ANKS1B: variants seen among roughly 807,000 people sequenced by gnomAD.
ANKS1B encodes ankyrin repeat and sterile alpha motif domain-containing protein 1B.
ANKS1B carries 36 observed loss-of-function variants against 148.3 expected under a neutral mutation model. The observed-to-expected ratio is 0.24, with a 90% confidence interval of 0.19 to 0.32. The LOEUF (loss-of-function observed/expected upper bound fraction) is 0.32. Among genes scored for constraint, ANKS1B ranks in the 10% least tolerant of loss-of-function variants. ANKS1B has a pLI of 1.00. For missense variants in ANKS1B, 1,157 were observed against 1,542.6 expected (o/e 0.75, Z 4.19); for synonymous variants, 542 against 560.8 (o/e 0.97, Z 0.47).
intron 17 of ANKS1B, among the ~76,000 whole-genome samples, chr12:98,938,426 C>CA (rs1046134070): frequency 6.8e-4 from 104 of 152,192 alleles, no homozygotes; most frequent in African/African-American, 2.4e-3. Flanking sequence ...GGTTTTGATT[C>CA]AATTGGTATG....
At chr12:99,191,395 C>T (rs999637907) in intron 14 of ANKS1B, among the ~76,000 whole-genome samples, 4 of 152,170 alleles carry the variant, frequency 2.6e-5, no homozygotes, top group Non-Finnish European at 2.9e-5. Context: ...CACATGCACA[C>T]GTGTGTTTAC....
At chr12:99,119,214 A>G (rs1020673419) in intron 15 of ANKS1B, among the ~76,000 whole-genome samples, 12 of 152,170 alleles carry the variant, frequency 7.9e-5, no homozygotes, top group African/African-American at 2.9e-4. Context: ...CAGACAAAAG[A>G]GGAGGAGGCA....
chr12:99,215,344 G>A (rs558840956), intron 14 of ANKS1B, among the ~76,000 whole-genome samples: 6 of 152,200 alleles, frequency 3.9e-5, no homozygotes, highest in Non-Finnish European at 1.5e-5. Flanking sequence ...GGGAAATGTG[G>A]GGTCAGATCC....
At position 98,744,975 on chromosome 12, in the gene ANKS1B, C is replaced by A; in HGVS notation, c.*764G>T. On this transcript the variant is annotated 3_prime_UTR_variant, in exon 27 of 27. Coordinates refer to ENST00000683438, the MANE Select transcript of ANKS1B (RefSeq NM_001352186.2). ...AGAAATTTAATTATTTGAAATGAAA[C>A]CAGAAACATCCCTCGCAACTAACCT... 1.0e-6 allele frequency: 1 copy of A among 985,780 alleles called. No homozygotes were observed. The highest frequency in any genetic ancestry group is 1.2e-6 in the Non-Finnish European group (1 of 829,922). The allele number at this position is 985,780 out of a possible 1,614,324, so 61.1% of individuals were successfully genotyped here.
intron 17 of ANKS1B, among the ~76,000 whole-genome samples, chr12:98,968,742 T>G (rs534398767): frequency 6.6e-6 from 1 of 151,234 alleles, no homozygotes; most frequent in South Asian, 2.1e-4. Context: ...TGAAATTTGT[T>G]GGACCATCAG....
At chr12:99,780,346 G>T (rs1481884288) in intron 5 of ANKS1B, among the ~76,000 whole-genome samples, 2 of 152,042 alleles carry the variant, frequency 1.3e-5, no homozygotes, top group African/African-American at 2.4e-5. Flanking sequence ...CGCGATCTCG[G>T]CTCACTGCAA....
At chr12:99,417,401 C>T (rs1191971248) in intron 11 of ANKS1B, among the ~76,000 whole-genome samples, 2 of 152,152 alleles carry the variant, frequency 1.3e-5, no homozygotes, top group Admixed American at 6.5e-5. Context: ...TCCTATTGAT[C>T]TAAGTGTCTA....
At chr12:99,822,333 T>C (rs1052778310) in intron 2 of ANKS1B, among the ~76,000 whole-genome samples, 1 of 152,210 alleles carries the variant, frequency 6.6e-6, no homozygotes, top group African/African-American at 2.4e-5. Context: ...GGGACACATG[T>C]GCAACTTTTA....
intron 15 of ANKS1B, among the ~76,000 whole-genome samples, chr12:99,097,730 A>T (rs1434106817): frequency 6.6e-6 from 1 of 152,170 alleles, no homozygotes; most frequent in Non-Finnish European, 1.5e-5. Context: ...CTGGCTTATC[A>T]CTAATTAACT....
chr12:99,190,938 C>T (rs1418342236), intron 14 of ANKS1B, among the ~76,000 whole-genome samples: 2 of 151,978 alleles, frequency 1.3e-5, no homozygotes, highest in African/African-American at 4.8e-5. Flanking sequence ...TTTTTGCAAT[C>T]TCTCCATCTG....
chr12:98,823,557 T>G (rs2099219254), intron 19 of ANKS1B, among the ~76,000 whole-genome samples: 1 of 152,236 alleles, frequency 6.6e-6, no homozygotes, highest in Non-Finnish European at 1.5e-5. Context: ...TGGCACCATC[T>G]CAGCTCACTG....
chr12:98,964,106 A>T (rs1209548674), intron 17 of ANKS1B, among the ~76,000 whole-genome samples: 1 of 152,158 alleles, frequency 6.6e-6, no homozygotes, highest in African/African-American at 2.4e-5. Context: ...CTCAAAAAAA[A>T]AAATCTAATA....
intron 17 of ANKS1B, among the ~76,000 whole-genome samples, chr12:98,846,240 G>A (rs963225296): frequency 9.2e-5 from 14 of 152,204 alleles, no homozygotes; most frequent in Admixed American, 9.2e-4. Flanking sequence ...TTAAATAAAG[G>A]AATTCTTAGG....
In ANKS1B at chr12:99,274,387, C is replaced by T. The variant is rs569667473; in HGVS notation, c.1757-27523G>A. The stretch of plus-strand genomic sequence containing the variant: ...ACAAGAAGAAGACAGGTGGCACTTT[C>T]AATAATCTGCCTGGAAATCTTAGAT... On this transcript the variant is annotated intron_variant, in intron 12 of 26. Transcript: ENST00000683438. 1.5e-3 allele frequency among the ~76,000 whole-genome samples: 223 copies of T among 152,254 alleles called. 2 individuals carry two copies. Among genetic ancestry groups the T allele is most frequent in the African/African-American group, 4.5e-3 (187 of 41,554 alleles).
chr12:99,448,362 G>A (rs945231711), intron 10 of ANKS1B, among the ~76,000 whole-genome samples: 5 of 152,098 alleles, frequency 3.3e-5, no homozygotes, highest in Non-Finnish European at 7.4e-5. Flanking sequence ...CAAATGACAC[G>A]TGATCTCACT....
chr12:98,830,099 G>T (rs900309762), intron 18 of ANKS1B, among the ~76,000 whole-genome samples: 1 of 152,018 alleles, frequency 6.6e-6, no homozygotes, highest in Non-Finnish European at 1.5e-5. Flanking sequence ...ATCTCTTCCA[G>T]AGAGCCAGAA....
chr12:98,923,130 C>T (rs1300150990), intron 17 of ANKS1B, among the ~76,000 whole-genome samples: 1 of 152,122 alleles, frequency 6.6e-6, no homozygotes, highest in East Asian at 1.9e-4. Context: ...TGAGTGAGTT[C>T]TAGCTCTCAG....
At position 98,855,821 on chromosome 12, in the gene ANKS1B, CT is replaced by C. The variant is rs140095975; in HGVS notation, c.2779-23686del. On this transcript the variant is annotated intron_variant, in intron 17 of 26. Coordinates refer to ENST00000683438, the MANE Select transcript of ANKS1B (RefSeq NM_001352186.2). Reference sequence around the variant, plus strand: ...CAAAATGTCCTTGTTGTCCTTCTCCCTTTTTTTTTACTACTGGCATTGTCAT... The same window carrying C: ...CAAAATGTCCTTGTTGTCCTTCTCCCTTTTTTTTACTACTGGCATTGTCAT... Among the ~76,000 whole-genome samples the C allele has an allele frequency of 5.3e-5, 8 of 151,356 alleles. No individual in the cohort carries two copies. The South Asian group carries it at 6.3e-4, about 12-fold the overall frequency.
chr12:98,760,258 A>G (rs921672056), intron 25 of ANKS1B, among the ~76,000 whole-genome samples: 11 of 148,930 alleles, frequency 7.4e-5, no homozygotes, highest in African/African-American at 2.8e-4. Context: ...CGTTTAAAAT[A>G]GTCTTATTCT....
Sources: gnomAD v4.1 joint callset for allele counts (sites outside exome capture counted in the v4.1 genomes callset) on GRCh38, gnomAD v4.1.1 for gene constraint, MANE v1.5 for transcripts, NCBI Gene and HGNC (gene_info 2026-07-23, HGNC 2026-07-21) for gene names.